The following TBL1Y variants were observed in gnomAD, a reference collection of about 807,000 sequenced individuals.
TBL1Y encodes F-box-like/WD repeat-containing protein TBL1Y.
TBL1Y carries 15 observed loss-of-function variants against 12.0 expected under a neutral mutation model. The ratio of observed to expected loss-of-function variants is 1.25; its 90% CI spans 0.83 to 1.92. The LOEUF (loss-of-function observed/expected upper bound fraction) is 1.92, where lower values mean the gene tolerates loss of function less well. Ranked by LOEUF, TBL1Y falls within the 40% of genes most tolerant of loss-of-function variation. The pLI is 0.00. For missense variants in TBL1Y, 148 were observed against 116.7 expected (o/e 1.27, Z -1.24); for synonymous variants, 53 against 42.6 (o/e 1.24, Z -0.95).
intron 6 of TBL1Y, among the ~76,000 whole-genome samples, chrY:7,031,056 A>T (rs779203430): frequency 6.0e-5 from 2 of 33,445 alleles, no homozygotes; most frequent in African/African-American, 2.3e-4. Context: ...GATAGGATAG[A>T]TTGATTAGAT....
chrY:6,913,108 G>A, intron 2 of TBL1Y, among the ~76,000 whole-genome samples: 1 of 32,691 alleles, frequency 3.1e-5, no homozygotes, highest in Non-Finnish European at 7.5e-5. Flanking sequence ...AGGATGCCCT[G>A]GTCACCAACT....
chrY:6,992,762 G>C, intron 3 of TBL1Y, among the ~76,000 whole-genome samples: 1 of 33,311 alleles, frequency 3.0e-5, no homozygotes, highest in South Asian at 6.9e-4. Context: ...CCTGGAGTTA[G>C]CGCCTCTCAT....
chrY:6,993,376 A>T (rs772387346), intron 3 of TBL1Y, among the ~76,000 whole-genome samples: 235 of 28,227 alleles, frequency 8.3e-3, no homozygotes, highest in African/African-American at 0.03. Context: ...CTTCTTTTTT[A>T]AAAAAAAAAA....
chrY:6,936,165 G>A, intron 2 of TBL1Y, among the ~76,000 whole-genome samples: 1 of 34,423 alleles, frequency 2.9e-5, no homozygotes, highest in African/African-American at 1.1e-4. Flanking sequence ...ACTCAGGGTA[G>A]GTGGCTTGGG....
At chrY:6,979,037 T>C (rs1603032971) in intron 3 of TBL1Y, among the ~76,000 whole-genome samples, 3 of 32,210 alleles carry the variant, frequency 9.3e-5, no homozygotes, top group Non-Finnish European at 2.3e-4. Context: ...CAGGTTCAAG[T>C]GATTCTCCTG....
chrY:7,006,186 A>T, intron 4 of TBL1Y, among the ~76,000 whole-genome samples: 1 of 33,750 alleles, frequency 3.0e-5, no homozygotes, highest in East Asian at 7.7e-4. Flanking sequence ...TATTGAATTC[A>T]TGAGAGTGAT....
chrY:6,991,291 A>G (rs2012361781), intron 3 of TBL1Y, among the ~76,000 whole-genome samples: 1 of 33,446 alleles, frequency 3.0e-5, no homozygotes, highest in East Asian at 7.9e-4. Flanking sequence ...TTCTTCTTAG[A>G]TGTGAGCTCT....
intron 2 of TBL1Y, among the ~76,000 whole-genome samples, chrY:6,945,519 C>T: frequency 3.0e-5 from 1 of 32,829 alleles, no homozygotes; most frequent in East Asian, 8.0e-4. Context: ...AAGCTATCCT[C>T]CCAGCTCATT....
chrY:6,910,905 C>T lies in TBL1Y; in HGVS notation c.-428C>T. On this transcript the variant is annotated 5_prime_UTR_variant, in exon 1 of 19. Transcript: ENST00000383032. ...TTTCGGCCGCCGCACGGCCGGGCCT[C>T]ACAGGCTGCCCTCCTGAGAGAGGCT... 1 of 39,157 alleles carries T rather than the reference C, an allele frequency of 2.6e-5. No individual in the cohort carries two copies. Among genetic ancestry groups the T allele is most frequent in the East Asian group, 6.1e-4 (1 of 1,639 alleles). 9.8% of individuals were successfully genotyped at this position (39,157 alleles called of 400,897 possible).
At chrY:7,027,443 G>A (rs918514839) in intron 6 of TBL1Y, among the ~76,000 whole-genome samples, 1 of 33,424 alleles carries the variant, frequency 3.0e-5, no homozygotes, top group Non-Finnish European at 7.4e-5. Context: ...CAGCACTTTG[G>A]AAGGCCGAGG....
Position 6,940,789 on chromosome Y carries a change from A to G in TBL1Y, c.-266+28617A>G, listed in dbSNP as rs2124104386. Among the ~76,000 whole-genome samples, 9 of 33,321 alleles carry G rather than the reference A, an allele frequency of 2.7e-4. No individual in the cohort carries two copies. In the South Asian group the frequency reaches 6.3e-3, roughly 23 times the overall value. 89.4% of individuals were successfully genotyped at this position (33,321 alleles called of 37,273 possible). ...AGGTGGCTCATGGGGCCTGGCTCCC[A>G]GGACTTTTCCTGATGCATGTTTGCA... On this transcript the variant is annotated intron_variant, in intron 2 of 18. Transcript: ENST00000383032.
At chrY:7,085,197 GAC>G (rs1603051723) in intron 14 of TBL1Y, among the ~76,000 whole-genome samples, 174 of 21,769 alleles carry the variant, frequency 8.0e-3, no homozygotes, top group Admixed American at 0.019. Flanking sequence ...CACACACACA[GAC>G]ACACACACAC....
intron 3 of TBL1Y, among the ~76,000 whole-genome samples, chrY:6,985,444 G>A (rs2012310026): frequency 3.1e-5 from 1 of 32,488 alleles, no homozygotes; most frequent in Non-Finnish European, 7.5e-5. Flanking sequence ...GTGAAGCCCT[G>A]GGATACTTCT....
At chrY:6,949,905 A>C in intron 2 of TBL1Y, among the ~76,000 whole-genome samples, 1 of 33,632 alleles carries the variant, frequency 3.0e-5, no homozygotes, top group African/African-American at 1.2e-4. Flanking sequence ...AGCCTTTTGG[A>C]ATAAGTAAAT....
intron 4 of TBL1Y, among the ~76,000 whole-genome samples, chrY:6,998,349 A>G: frequency 3.0e-5 from 1 of 33,334 alleles, no homozygotes; most frequent in Non-Finnish European, 7.4e-5. Context: ...GAGCCCACAA[A>G]TGGAGACTCT....
At chrY:6,980,868 G>A in intron 3 of TBL1Y, among the ~76,000 whole-genome samples, 10 of 33,440 alleles carry the variant, frequency 3.0e-4, no homozygotes, top group Non-Finnish European at 6.6e-4. Flanking sequence ...AGCCACTAGC[G>A]GCATGTGACT....
In TBL1Y at chrY:6,931,941, G is replaced by T; in HGVS notation, c.-266+19769G>T. On this transcript the variant is annotated intron_variant, in intron 2 of 18. Coordinates refer to ENST00000383032, the MANE Select transcript of TBL1Y (RefSeq NM_033284.2). ...TAATCTGCTTTTTCTGCGTGATGTT[G>T]TAAGGGAAGTTTGGGCTGGATTCAT... is the stretch of plus-strand genomic sequence containing the variant. 8.8e-5 allele frequency among the ~76,000 whole-genome samples: 3 copies of T among 34,078 alleles called. No homozygotes were observed. The South Asian group carries it at 2.0e-3, about 22-fold the overall frequency. The allele number at this position is 34,078 out of a possible 37,273, so 91.4% of individuals were successfully genotyped here.
intron 2 of TBL1Y, among the ~76,000 whole-genome samples, chrY:6,963,299 T>C (rs111507503): frequency 8.4e-3 from 278 of 33,278 alleles, no homozygotes; most frequent in African/African-American, 0.03. Flanking sequence ...CCCATATCCA[T>C]GATTCCTTCA....
At chrY:7,060,019 GCT>G (rs2012849460) in intron 7 of TBL1Y, among the ~76,000 whole-genome samples, 1 of 32,382 alleles carries the variant, frequency 3.1e-5, no homozygotes, top group Non-Finnish European at 7.6e-5. Flanking sequence ...AACCTGTTGT[GCT>G]CTTATTTTAA....
Sources: gnomAD v4.1 joint callset for allele counts (sites outside exome capture counted in the v4.1 genomes callset) on GRCh38, gnomAD v4.1.1 for gene constraint, MANE v1.5 for transcripts, NCBI Gene and HGNC (gene_info 2026-07-23, HGNC 2026-07-21) for gene names.